Variants in SH3D19 observed in about 807,000 individuals in gnomAD.
The protein encoded by SH3D19 is SH3 domain containing 19.
In SH3D19, 58 loss-of-function variants were observed where a neutral mutation model predicts 112.1. The ratio of observed to expected loss-of-function variants is 0.52; its 90% CI spans 0.42 to 0.64. SH3D19 has a LOEUF of 0.64. Among genes scored for constraint, SH3D19 ranks in the 30% least tolerant of loss-of-function variants. SH3D19 has a pLI of 0.00. For synonymous variants in SH3D19, 391 were observed against 448.5 expected (o/e 0.87, Z 1.62); for missense variants, 1,090 against 1,263.4 (o/e 0.86, Z 2.08).
At chr4:151,312,154 A>T (rs1329531374) in intron 1 of SH3D19, among the ~76,000 whole-genome samples, 1 of 152,162 alleles carries the variant, frequency 6.6e-6, no homozygotes, top group African/African-American at 2.4e-5. Context: ...GTACATCTTG[A>T]ATATATTCAA....
intron 15 of SH3D19, 35 bp from the exon 16 acceptor site, chr4:151,133,271 A>C: frequency 1.3e-6 from 2 of 1,580,728 alleles, no homozygotes; most frequent in Non-Finnish European, 1.7e-6. Context: ...ATTAGACTAG[A>C]GAGTGCTTTT....
intron 10 of SH3D19, 108 bp from the exon 11 acceptor site, chr4:151,148,294 C>T: frequency 9.4e-7 from 1 of 1,067,916 alleles, no homozygotes; most frequent in Non-Finnish European, 1.3e-6. Flanking sequence ...CACACAGAGA[C>T]ACAGCTTTCT....
chr4:151,307,180 G>A (rs1322268648), intron 1 of SH3D19, among the ~76,000 whole-genome samples: 4 of 151,744 alleles, frequency 2.6e-5, no homozygotes, highest in Admixed American at 6.6e-5. Flanking sequence ...CACTACGCCC[G>A]GCTAATTTTT....
At chr4:151,308,211 C>T (rs771361895) in intron 1 of SH3D19, among the ~76,000 whole-genome samples, 2 of 152,180 alleles carry the variant, frequency 1.3e-5, no homozygotes, top group African/African-American at 2.4e-5. Flanking sequence ...CAGCCTAAAA[C>T]ATCTTTTAAA....
chr4:151,308,262 C>T (rs1729112662), intron 1 of SH3D19, among the ~76,000 whole-genome samples: 1 of 152,204 alleles, frequency 6.6e-6, no homozygotes, highest in East Asian at 1.9e-4. Flanking sequence ...GTACTGAGCA[C>T]ATGTGTCAAG....
chr4:151,210,230 TAAG>T (rs1039208190), intron 2 of SH3D19, among the ~76,000 whole-genome samples: 2 of 152,176 alleles, frequency 1.3e-5, no homozygotes, highest in Non-Finnish European at 2.9e-5. Flanking sequence ...AATGTAGGTA[TAAG>T]AATCTGATTA....
chr4:151,246,938 T>A (rs1360991893), intron 1 of SH3D19, among the ~76,000 whole-genome samples: 1 of 152,204 alleles, frequency 6.6e-6, no homozygotes, highest in African/African-American at 2.4e-5. Flanking sequence ...AAGATTTACA[T>A]AGGATTGATC....
chr4:151,134,590 T>C (rs1751427016), intron 15 of SH3D19, among the ~76,000 whole-genome samples: 1 of 152,182 alleles, frequency 6.6e-6, no homozygotes, highest in Non-Finnish European at 1.5e-5. Flanking sequence ...ATGGCCAAAA[T>C]AAAATGCAGT....
intron 2 of SH3D19, among the ~76,000 whole-genome samples, chr4:151,187,863 A>G (rs976846584): frequency 6.6e-6 from 1 of 152,194 alleles, no homozygotes; most frequent in Non-Finnish European, 1.5e-5. Flanking sequence ...TAATCTATAT[A>G]GTCAATTTGA....
chr4:151,225,272 T>G (rs1300521835), intron 2 of SH3D19, among the ~76,000 whole-genome samples: 1 of 152,168 alleles, frequency 6.6e-6, no homozygotes, highest in Admixed American at 6.5e-5. Flanking sequence ...TGGTAGAATG[T>G]GGAATAAAAA....
chr4:151,176,311 A>G (rs1043165180), intron 6 of SH3D19, among the ~76,000 whole-genome samples: 1 of 152,224 alleles, frequency 6.6e-6, no homozygotes, highest in African/African-American at 2.4e-5. Flanking sequence ...TTTGTGATAT[A>G]AACTAGGGTA....
Position 151,143,904 on chromosome 4 carries a change from C to T in SH3D19, c.2223+6G>A. On this transcript the variant is annotated splice_donor_region_variant and intron_variant, in intron 12 of 19. Coordinates refer to ENST00000604030, the MANE Select transcript of SH3D19 (RefSeq NM_001378122.1). ...TATGAGGGCTGTAACAATATTAATT[C>T]CTTACGTTTGGTCTGCTTCTAAGAT... The T allele has an allele frequency of 6.2e-7, 1 of 1,610,028 alleles. No homozygotes were observed. Among genetic ancestry groups the T allele is most frequent in the Non-Finnish European group, 8.5e-7 (1 of 1,178,358 alleles).
intron 1 of SH3D19, among the ~76,000 whole-genome samples, chr4:151,309,922 CA>C (rs1035740460): frequency 6.6e-6 from 1 of 151,924 alleles, no homozygotes; most frequent in African/African-American, 2.4e-5. Context: ...CCCGGGAGGT[CA>C]AGGCTATAGT....
chr4:151,231,152 CA>C (rs1384563195), intron 1 of SH3D19, among the ~76,000 whole-genome samples: 1 of 152,014 alleles, frequency 6.6e-6, no homozygotes, highest in Non-Finnish European at 1.5e-5. Flanking sequence ...ATAAATAAAA[CA>C]ATGAACTCAT....
intron 1 of SH3D19, among the ~76,000 whole-genome samples, chr4:151,305,938 T>C (rs908816661): frequency 6.6e-6 from 1 of 152,218 alleles, no homozygotes; most frequent in Non-Finnish European, 1.5e-5. Context: ...AATAGACTAC[T>C]ACTTGGCAGT....
chr4:151,187,444 T>C lies in SH3D19; in HGVS notation c.172A>G (p.Ile58Val). 8.1e-7 allele frequency: 1 copy of C among 1,229,588 alleles called. No individual in the cohort carries two copies. Among genetic ancestry groups the C allele is most frequent in the Non-Finnish European group, 1.0e-6 (1 of 985,662 alleles). 76.2% of individuals were successfully genotyped at this position (1,229,588 alleles called of 1,614,324 possible). ...RSSSQGPLSS[I>V]RAVIKRSSRT... ...TTACATCTCTTGATTACCGCTCTAA[T>C]GGATGACAAGGGTCCTTGGCTAGAA... Residue 58 changes from isoleucine (I) to valine (V), a missense_variant, in exon 3 of 20, where the codon ATT becomes GTT. Physicochemically the swap from Ile to Val is conservative, Grantham distance 29 (BLOSUM62 3). Transcript: ENST00000604030.
chr4:151,143,962 G>A lies in SH3D19; in HGVS notation c.2171C>T (p.Ser724Phe), dbSNP rs1162297651. 3 of 1,613,870 alleles carry A rather than the reference G, an allele frequency of 1.9e-6. No individual in the cohort carries two copies. In the Admixed American group the frequency reaches 5.0e-5, roughly 27 times the overall value. ...KGEDTGRVHL[S>F]QMKIITPLDE... ...AAGTGGAGTGATAATCTTCATTTGA[G>A]ACAGGTGAACTCTGCCAGTGTCTTC... The change falls in exon 12 of 20, where the codon TCT (serine) becomes TTT (phenylalanine). Residue 724 changes from serine (S) to phenylalanine (F), a missense_variant. Ser to Phe is a radical substitution (Grantham distance 155). Transcript: ENST00000604030.
intron 8 of SH3D19, among the ~76,000 whole-genome samples, chr4:151,160,869 G>A (rs969401234): frequency 1.3e-5 from 2 of 152,084 alleles, no homozygotes; most frequent in Non-Finnish European, 1.5e-5. Context: ...CTTAGTGAGA[G>A]GCGTGCAGTG....
intron 9 of SH3D19, 56 bp downstream of exon 9, chr4:151,159,184 C>A: frequency 9.8e-7 from 1 of 1,019,046 alleles, no homozygotes; most frequent in Non-Finnish European, 1.4e-6. Context: ...GCTGACTATT[C>A]AAAATTAATG....
Sources: gnomAD v4.1 joint callset for allele counts (sites outside exome capture counted in the v4.1 genomes callset) on GRCh38, gnomAD v4.1.1 for gene constraint, MANE v1.5 for transcripts, NCBI Gene and HGNC (gene_info 2026-07-23, HGNC 2026-07-21) for gene names.